Variants in TRERF1 observed in about 807,000 individuals in gnomAD.
The protein encoded by TRERF1 is transcriptional-regulating factor 1.
TRERF1 carries 27 observed loss-of-function variants against 122.9 expected under a neutral mutation model. The ratio of observed to expected loss-of-function variants is 0.22; its 90% CI spans 0.16 to 0.30. TRERF1 has a LOEUF of 0.30. Among genes scored for constraint, TRERF1 ranks in the 10% least tolerant of loss-of-function variants. The pLI is 1.00. For synonymous variants in TRERF1, 636 were observed against 641.7 expected (o/e 0.99, Z 0.13); for missense variants, 1,248 against 1,560.3 (o/e 0.80, Z 3.37).
intron 4 of TRERF1, among the ~76,000 whole-genome samples, chr6:42,289,692 C>G (rs1783965905): frequency 2.6e-5 from 4 of 152,306 alleles, no homozygotes; most frequent in Admixed American, 2.6e-4. Flanking sequence ...AAATGCTCAT[C>G]TGTAAAAGCA....
chr6:42,388,192 ATGT>A (rs1251337257), intron 2 of TRERF1, among the ~76,000 whole-genome samples: 1 of 151,838 alleles, frequency 6.6e-6, no homozygotes, highest in Non-Finnish European at 1.5e-5. Context: ...ACTCAAATAA[ATGT>A]TGTTAAAAGA....
intron 3 of TRERF1, among the ~76,000 whole-genome samples, chr6:42,340,163 G>C (rs1766980364): frequency 6.6e-6 from 1 of 152,124 alleles, no homozygotes; most frequent in South Asian, 2.1e-4. Context: ...ACCTGTACCT[G>C]CTACAGAAAT....
At chr6:42,398,415 C>T (rs1019307448) in intron 2 of TRERF1, among the ~76,000 whole-genome samples, 3 of 152,162 alleles carry the variant, frequency 2.0e-5, no homozygotes, top group Non-Finnish European at 1.5e-5. Flanking sequence ...TCCTAAGCAC[C>T]TTTCCATAAT....
At chr6:42,369,002 G>GA (rs1232076764) in intron 2 of TRERF1, among the ~76,000 whole-genome samples, 1 of 152,130 alleles carries the variant, frequency 6.6e-6, no homozygotes, top group Non-Finnish European at 1.5e-5. Flanking sequence ...CTGCATTTCT[G>GA]AAAAAAATTC....
intron 2 of TRERF1, among the ~76,000 whole-genome samples, chr6:42,372,373 C>T (rs116493536): frequency 0.018 from 2,760 of 152,216 alleles, 43 homozygotes; most frequent in African/African-American, 0.038. Context: ...CCAACAGCTA[C>T]GGCTCTCACT....
chr6:42,333,332 T>A (rs1006138255), intron 3 of TRERF1, among the ~76,000 whole-genome samples: 1 of 152,210 alleles, frequency 6.6e-6, no homozygotes, highest in African/African-American at 2.4e-5. Flanking sequence ...TCACAACTGT[T>A]CTCAATGCTT....
At chr6:42,382,604 A>G (rs1479064705) in intron 2 of TRERF1, among the ~76,000 whole-genome samples, 2 of 152,100 alleles carry the variant, frequency 1.3e-5, no homozygotes, top group African/African-American at 4.8e-5. Context: ...TTTTCAGGTG[A>G]AGTTTTTCTG....
intron 3 of TRERF1, among the ~76,000 whole-genome samples, chr6:42,340,165 T>C (rs1349899220): frequency 6.6e-6 from 1 of 152,218 alleles, no homozygotes; most frequent in Non-Finnish European, 1.5e-5. Flanking sequence ...CTGTACCTGC[T>C]ACAGAAATTA....
intron 4 of TRERF1, among the ~76,000 whole-genome samples, chr6:42,283,742 G>C (rs746163887): frequency 3.4e-5 from 5 of 148,116 alleles, no homozygotes; most frequent in Non-Finnish European, 7.4e-5. Flanking sequence ...TCAGCCTCCC[G>C]AGTAGCTGGG....
intron 2 of TRERF1, among the ~76,000 whole-genome samples, chr6:42,436,808 A>AT (rs1263996791): frequency 1.9e-3 from 192 of 103,150 alleles, no homozygotes; most frequent in Non-Finnish European, 2.6e-3. Flanking sequence ...TACAAAAAAA[A>AT]AAAAAAATAT....
Position 42,269,124 on chromosome 6 carries a change from C to T in TRERF1, c.467G>A (p.Arg156Gln), listed in dbSNP as rs767258101. Residue 156 changes from arginine to glutamine, a missense_variant, in exon 5 of 18, where the codon CGA becomes CAA. Physicochemically the swap from Arg to Gln is conservative, Grantham distance 43. This residue lies in a region of TRERF1 where 946 missense variants were observed against 1,073.0 expected (regional missense o/e 0.88). Transcript: ENST00000372922. This position sits in a 1 kb window ranked among gnomAD's most constrained non-coding sequence, Gnocchi z 4.9. Reference sequence around the variant, plus strand: ...CTGGGCCATATTGTTGACCTGAATTCGCAGGTTTTGGTTGGCAAACACCTG... The same window carrying T: ...CTGGGCCATATTGTTGACCTGAATTTGCAGGTTTTGGTTGGCAAACACCTG... 21 of 1,614,060 alleles carry T rather than the reference C, an allele frequency of 1.3e-5. No homozygotes were observed. The highest frequency in any genetic ancestry group is 2.2e-5 in the South Asian group (2 of 91,084).
intron 2 of TRERF1, among the ~76,000 whole-genome samples, chr6:42,369,607 A>T (rs1773404758): frequency 6.6e-6 from 1 of 152,042 alleles, no homozygotes; most frequent in African/African-American, 2.4e-5. Flanking sequence ...CTTTTTTTTT[A>T]AACAAACAAA....
chr6:42,445,880 C>T (rs1350776490), intron 2 of TRERF1, among the ~76,000 whole-genome samples: 2 of 152,076 alleles, frequency 1.3e-5, no homozygotes, highest in African/African-American at 4.8e-5. Context: ...TAGGGGCTGT[C>T]GCTTCCCACT....
intron 2 of TRERF1, among the ~76,000 whole-genome samples, chr6:42,409,971 A>G (rs1780870544): frequency 6.6e-6 from 1 of 152,174 alleles, no homozygotes; most frequent in African/African-American, 2.4e-5. Context: ...GTATTTTTCT[A>G]CATCCACTGA....
Position 42,259,593 on chromosome 6 carries a change from T to A in TRERF1, c.2015A>T (p.Asn672Ile), listed in dbSNP as rs752427096. The stretch of plus-strand genomic sequence containing the variant: ...GGCGCCCGAGTAGGAGGCAGCGGGG[T>A]TCGGGTTGTAGGAGGGCGGCGGCGG... The change falls in exon 9 of 18, where the codon AAC becomes ATC. Residue 672 changes from asparagine to isoleucine, a missense_variant. Coordinates refer to ENST00000372922, the Ensembl canonical transcript of TRERF1. The surrounding 1 kb of genome is among the most constrained non-coding windows in gnomAD (Gnocchi z 4.9). The A allele has an allele frequency of 6.2e-7, 1 of 1,613,294 alleles. No homozygotes were observed. Among genetic ancestry groups the A allele is most frequent in the African/African-American group, 1.3e-5 (1 of 74,720 alleles).
At position 42,269,098 on chromosome 6, in the gene TRERF1, C is replaced by T; in HGVS notation, c.493G>A (p.Val165Met). ...ATCACTGCTGACTGAGTGTGCAGCA[C>T]CTGGGCCATATTGTTGACCTGAATT... The change falls in exon 5 of 18, where the codon GTG becomes ATG. Residue 165 changes from valine to methionine, a missense_variant. Val to Met is a conservative substitution (Grantham distance 21). Coordinates refer to ENST00000372922, the Ensembl canonical transcript of TRERF1. This position sits in a 1 kb window ranked among gnomAD's most constrained non-coding sequence, Gnocchi z 4.9. The T allele has an allele frequency of 6.2e-7, 1 of 1,614,210 alleles. No individual in the cohort carries two copies. Among genetic ancestry groups the T allele is most frequent in the South Asian group, 1.1e-5 (1 of 91,090 alleles).
chr6:42,434,316 A>C (rs1784920250), intron 2 of TRERF1, among the ~76,000 whole-genome samples: 1 of 151,824 alleles, frequency 6.6e-6, no homozygotes, highest in African/African-American at 2.4e-5. Flanking sequence ...TTACAGATGC[A>C]CTCCAAACTC....
intron 2 of TRERF1, among the ~76,000 whole-genome samples, chr6:42,436,101 G>C (rs1785306566): frequency 1.3e-5 from 2 of 152,196 alleles, no homozygotes; most frequent in Non-Finnish European, 2.9e-5. Context: ...GGGCTCAGTG[G>C]CTCACGCCTG....
intron 3 of TRERF1, among the ~76,000 whole-genome samples, chr6:42,341,959 G>A (rs143883701): frequency 1.8e-3 from 278 of 152,268 alleles, no homozygotes; most frequent in African/African-American, 5.9e-3. Context: ...CCATCTGCTC[G>A]GCTTAATGAA....
Sources: allele counts gnomAD v4.1 joint callset (sites outside exome capture counted in the v4.1 genomes callset), GRCh38; gene constraint gnomAD v4.1.1; regional missense constraint gnomAD v4.1.1; non-coding constraint Gnocchi (gnomAD v3.1); transcripts MANE v1.5; gene names NCBI Gene and HGNC (gene_info 2026-07-23, HGNC 2026-07-21).